Variants in ST3GAL5 observed in about 807,000 individuals in gnomAD.
ST3GAL5 encodes ST3 beta-galactoside alpha-2,3-sialyltransferase 5.
In ST3GAL5, 25 loss-of-function variants were observed where a neutral mutation model predicts 46.1. The ratio of observed to expected loss-of-function variants is 0.54; its 90% confidence interval spans 0.40 to 0.76. ST3GAL5 has a LOEUF of 0.76. ST3GAL5 is among the 30% of genes least tolerant of loss of function. The pLI is 0.00. For missense variants in ST3GAL5, 431 were observed against 521.2 expected, an observed-to-expected ratio of 0.83 and a Z score of 1.69; for synonymous variants, 182 against 192.7, an observed-to-expected ratio of 0.94 and a Z score of 0.46.
intron 4 of ST3GAL5, among the ~76,000 whole-genome samples, chr2:85,847,136 A>G (rs1030429694): frequency 4.6e-5 from 7 of 152,282 alleles, no homozygotes; most frequent in Non-Finnish European, 8.8e-5. Context: ...AGAATCTAGG[A>G]TGACTGCCTA....
At chr2:85,862,741 T>C (rs1243070349) in intron 2 of ST3GAL5, among the ~76,000 whole-genome samples, 2 of 152,206 alleles carry the variant, frequency 1.3e-5, no homozygotes, top group Non-Finnish European at 2.9e-5. Flanking sequence ...CTTATTCTTA[T>C]AAATTTCCTT....
chr2:85,852,112 A>G (rs1017216366), intron 3 of ST3GAL5, among the ~76,000 whole-genome samples: 5 of 152,240 alleles, frequency 3.3e-5, no homozygotes, highest in African/African-American at 1.2e-4. Context: ...CCCTTCTCAG[A>G]AATACAAGTA....
At chr2:85,871,309 A>T (rs1480631221) in intron 1 of ST3GAL5, among the ~76,000 whole-genome samples, 1 of 152,204 alleles carries the variant, frequency 6.6e-6, no homozygotes, top group Non-Finnish European at 1.5e-5. Flanking sequence ...GTTACTTTGA[A>T]TTACACAACA....
rs1558634156 is a variant in ST3GAL5, at chr2:85,838,127, G to GT, written c.*2016dup. 1 of 152,152 alleles carries GT rather than the reference G, an allele frequency of 6.6e-6. No homozygotes were observed. Among genetic ancestry groups the GT allele is most frequent in the African/African-American group, 2.4e-5 (1 of 41,438 alleles). 9.4% of individuals were successfully genotyped at this position (152,152 alleles called of 1,614,324 possible). ...GTCTACAAAAATATACCTTTTTAGGGTATCTGCTTACCACCTGAGTAAGTA... is the reference window on the plus strand; with the variant it reads ...GTCTACAAAAATATACCTTTTTAGGGTTATCTGCTTACCACCTGAGTAAGTA... On this transcript the variant is annotated 3_prime_UTR_variant, in exon 7 of 7. Coordinates refer to ENST00000638572, the MANE Select transcript of ST3GAL5 (RefSeq NM_003896.4).
At chr2:85,853,952 A>C (rs544081090) in intron 3 of ST3GAL5, 1 of 152,174 alleles carries the variant, frequency 6.6e-6, no homozygotes, top group Non-Finnish European at 1.5e-5. Flanking sequence ...ACCTACTTAA[A>C]AAAATTCTCT....
At position 85,838,785 on chromosome 2, in the gene ST3GAL5, A is replaced by G. The variant is rs1681675315; in HGVS notation, c.*1359T>C. ...GCTGCACAAGCAGTTGCAGGAAGGGAAAGTGGAGGCAGGTAGCATTAGTGA... is the reference window on the plus strand; with the variant it reads ...GCTGCACAAGCAGTTGCAGGAAGGGGAAGTGGAGGCAGGTAGCATTAGTGA... On this transcript the variant is annotated 3_prime_UTR_variant, in exon 7 of 7. Coordinates refer to ENST00000638572, the MANE Select transcript of ST3GAL5 (RefSeq NM_003896.4). The G allele has an allele frequency of 6.6e-6, 1 of 152,488 alleles. No homozygotes were observed. Among genetic ancestry groups the G allele is most frequent in the Non-Finnish European group, 1.5e-5 (1 of 68,274 alleles). The allele number at this position is 152,488 out of a possible 1,614,324, so 9.4% of individuals were successfully genotyped here. A position where few individuals can be genotyped will look rare whatever the true frequency, so the allele number is the denominator to read the frequency against.
intron 3 of ST3GAL5, among the ~76,000 whole-genome samples, chr2:85,857,265 A>C (rs1684236686): frequency 6.6e-6 from 1 of 151,392 alleles, no homozygotes; most frequent in Admixed American, 6.6e-5. Flanking sequence ...AGCTGGGCTC[A>C]GTGGCTCATG....
intron 3 of ST3GAL5, 198 bp from the exon 4 acceptor site, chr2:85,848,402 G>A: frequency 6.5e-7 from 1 of 1,537,086 alleles, no homozygotes; most frequent in East Asian, 2.5e-5. Flanking sequence ...CACATGACAA[G>A]GAGATAAACA....
In ST3GAL5 at chr2:85,879,390, G is replaced by A. The variant is rs886244916; in HGVS notation, c.82+9434C>T. 3.3e-5 allele frequency among the ~76,000 whole-genome samples: 5 copies of A among 152,300 alleles called. No homozygotes were observed. In the East Asian group the frequency reaches 9.6e-4, roughly 29 times the overall value. On this transcript the variant is annotated intron_variant, in intron 1 of 6. Coordinates refer to ENST00000638572, the MANE Select transcript of ST3GAL5 (RefSeq NM_003896.4). Reference sequence around the variant, plus strand: ...GAAGGTATGCAAGAAGGCTTCAAATGTTACTGTTTCTCAAAATGATTTAAT... The same window carrying A: ...GAAGGTATGCAAGAAGGCTTCAAATATTACTGTTTCTCAAAATGATTTAAT...
At chr2:85,843,217 T>C (rs554773103) in intron 6 of ST3GAL5, among the ~76,000 whole-genome samples, 1 of 152,356 alleles carries the variant, frequency 6.6e-6, no homozygotes, top group East Asian at 1.9e-4. Context: ...CTGCTGTTAA[T>C]GCTATAGTGT....
chr2:85,873,777 G>A (rs1686208943), intron 1 of ST3GAL5, among the ~76,000 whole-genome samples: 1 of 152,044 alleles, frequency 6.6e-6, no homozygotes, highest in Non-Finnish European at 1.5e-5. Flanking sequence ...AGCATCAGGA[G>A]AAAACAAAAA....
At chr2:85,885,603 C>T (rs139452702) in intron 1 of ST3GAL5, among the ~76,000 whole-genome samples, 8,877 of 151,800 alleles carry the variant, frequency 0.058, 369 homozygotes, top group Middle Eastern at 0.12. Flanking sequence ...CCGAGGTGGG[C>T]GGATCACGAG....
rs1684712891 is a variant in ST3GAL5, at chr2:85,861,395, G to T, written c.207-103C>A. ...CCTAAATGAGTCTGCCTGCTATGCA[G>T]CATAAAACTACAATCTTTAAGTTGA... On this transcript the variant is annotated intron_variant, in intron 2 of 6. Coordinates refer to ENST00000638572, the MANE Select transcript of ST3GAL5 (RefSeq NM_003896.4). The T allele has an allele frequency of 3.0e-5, 23 of 769,272 alleles. 1 individual carries two copies. The South Asian group carries it at 3.1e-4, about 10-fold the overall frequency. The allele number at this position is 769,272 out of a possible 1,614,324, so 47.7% of individuals were successfully genotyped here.
At chr2:85,870,518 G>A (rs981053208) in intron 1 of ST3GAL5, among the ~76,000 whole-genome samples, 2 of 152,096 alleles carry the variant, frequency 1.3e-5, no homozygotes, top group African/African-American at 4.8e-5. Context: ...AACAGCCTCC[G>A]CATCATGGCT....
At chr2:85,843,038 G>A (rs1363825142) in intron 6 of ST3GAL5, among the ~76,000 whole-genome samples, 2 of 152,100 alleles carry the variant, frequency 1.3e-5, no homozygotes, top group Non-Finnish European at 2.9e-5. Context: ...GATTACAGGC[G>A]TCTGCAACCG....
At chr2:85,843,528 T>A (rs1682401711) in intron 6 of ST3GAL5, among the ~76,000 whole-genome samples, 1 of 152,272 alleles carries the variant, frequency 6.6e-6, no homozygotes, top group Admixed American at 6.5e-5. Context: ...TTTTAATTCT[T>A]CTTTTGTGAA....
At chr2:85,873,468 G>A (rs899487793) in intron 1 of ST3GAL5, among the ~76,000 whole-genome samples, 1 of 152,114 alleles carries the variant, frequency 6.6e-6, no homozygotes, top group African/African-American at 2.4e-5. Context: ...CAGCAGTGGG[G>A]ACAAGGGAGG....
At position 85,846,532 on chromosome 2, in the gene ST3GAL5, CT is replaced by C; in HGVS notation, c.693del (p.Glu232AsnfsTer9). The C allele has an allele frequency of 6.2e-7, 1 of 1,614,180 alleles. No homozygotes were observed. The highest frequency in any genetic ancestry group is 8.5e-7 in the Non-Finnish European group (1 of 1,180,036). Reference sequence around the variant, plus strand: ...ATAGTAGTTTTATTTCCAACATGTTCTGAATATCCCTCAACTGGTGCACTGT... The same window carrying C: ...ATAGTAGTTTTATTTCCAACATGTTCGAATATCCCTCAACTGGTGCACTGT... Reference protein sequence around the residue: ...RLNSAPVEGYSEHVGNKTTIR... With the variant: ...RLNSAPVEGYXEHVGNKTTIR... On this transcript the variant is annotated frameshift_variant, in exon 5 of 7. Coordinates refer to ENST00000638572, the MANE Select transcript of ST3GAL5 (RefSeq NM_003896.4). LOFTEE classifies it high-confidence loss of function.
intron 1 of ST3GAL5, among the ~76,000 whole-genome samples, chr2:85,866,431 G>A (rs182195879): frequency 9.8e-5 from 15 of 152,302 alleles, no homozygotes; most frequent in African/African-American, 3.6e-4. Context: ...CCTCAAAGCC[G>A]TCTTTCAAAA....
Sources: allele counts gnomAD v4.1 joint callset (sites outside exome capture counted in the v4.1 genomes callset), GRCh38; gene constraint gnomAD v4.1.1; transcripts MANE v1.5; gene names NCBI Gene and HGNC (gene_info 2026-07-23, HGNC 2026-07-21).